CFI: variants seen among roughly 807,000 people sequenced by gnomAD.
CFI encodes the protein C3B/C4B inactivator.
A neutral mutation model predicts 78.8 loss-of-function variants in CFI; 66 were observed. That is an observed-to-expected ratio of 0.84 (90% CI 0.69 to 1.03). The LOEUF is 1.03. CFI is among the 50% of genes least tolerant of loss of function. The probability of loss-of-function intolerance (pLI) is 0.00; values close to 1 mark genes in which losing one functional copy is unlikely to be tolerated. For synonymous variants in CFI, 250 were observed against 232.6 expected, an observed-to-expected ratio of 1.07 and a Z score of -0.68; for missense variants, 706 against 704.5, an observed-to-expected ratio of 1.00 and a Z score of -0.02.
At chr4:109,782,677 T>A (rs1429068053) in intron 1 of CFI, among the ~76,000 whole-genome samples, 4 of 151,124 alleles carry the variant, frequency 2.6e-5, no homozygotes, top group Admixed American at 2.6e-4. Flanking sequence ...GAAAAAAAAA[T>A]TCTAAAATTC....
intron 1 of CFI, among the ~76,000 whole-genome samples, chr4:109,795,120 A>T (rs1334902912): frequency 2.0e-5 from 3 of 152,238 alleles, no homozygotes; most frequent in Non-Finnish European, 4.4e-5. Context: ...CACGATGCTG[A>T]AAGAGATTCC....
In CFI at chr4:109,766,077, C is replaced by T. The variant is rs946508727; in HGVS notation, c.328+477G>A. Among the ~76,000 whole-genome samples the T allele has an allele frequency of 1.1e-4, 16 of 152,194 alleles. No homozygotes were observed. The South Asian group carries it at 1.5e-3, about 14-fold the overall frequency. On this transcript the variant is annotated intron_variant, in intron 2 of 12. Transcript: ENST00000394634. ...AGGTTGGAATGAGCCAAGATCACAC[C>T]ACTGCACTCCAGCCTGGGCAACAGA...
intron 6 of CFI, among the ~76,000 whole-genome samples, chr4:109,758,200 G>C (rs1726566130): frequency 6.7e-6 from 1 of 149,024 alleles, no homozygotes; most frequent in African/African-American, 2.5e-5. Flanking sequence ...GCTCATGCCT[G>C]TAATCCCAGC....
At chr4:109,793,500 T>C (rs539425767) in intron 1 of CFI, 1 of 152,360 alleles carries the variant, frequency 6.6e-6, no homozygotes, top group Admixed American at 6.5e-5. Flanking sequence ...GTATGCAGGG[T>C]TCTCTGACTT....
At position 109,773,560 on chromosome 4, in the gene CFI, G is replaced by T. The variant is rs186225890; in HGVS notation, c.58-6736C>A. On this transcript the variant is annotated intron_variant, in intron 1 of 12. Coordinates refer to ENST00000394634, the MANE Select transcript of CFI (RefSeq NM_000204.5). ...TGTTGTGTTTTAGCCACTGAGAGTTGGGGATTGGTTCTTACTGGTGCACAA... is the reference window on the plus strand; with the variant it reads ...TGTTGTGTTTTAGCCACTGAGAGTTTGGGATTGGTTCTTACTGGTGCACAA... 2.2e-3 allele frequency among the ~76,000 whole-genome samples: 335 copies of T among 152,264 alleles called. 1 individual carries two copies. The highest frequency in any genetic ancestry group is 7.4e-3 in the African/African-American group (309 of 41,552).
intron 1 of CFI, among the ~76,000 whole-genome samples, chr4:109,786,809 C>G (rs1401537454): frequency 6.6e-6 from 1 of 152,118 alleles, no homozygotes; most frequent in East Asian, 1.9e-4. Flanking sequence ...CACAAATAAA[C>G]ATTGAAGATC....
the CFI span, among the ~76,000 whole-genome samples, chr4:109,735,002 G>A: frequency 1.7e-4 from 26 of 152,048 alleles, no homozygotes; most frequent in African/African-American, 2.4e-4. Flanking sequence ...TGTCACCCAG[G>A]TGGGGGTAGC....
At chr4:109,739,149 T>C (rs561791797), downstream of CFI, among the ~76,000 whole-genome samples, 13 of 152,156 alleles carry the variant, frequency 8.5e-5, no homozygotes, top group Non-Finnish European at 1.8e-4. Context: ...TTTTGGAATA[T>C]ATGTAAAAAT....
chr4:109,756,321 AG>A (rs1726134325), intron 7 of CFI, among the ~76,000 whole-genome samples: 1 of 143,946 alleles, frequency 6.9e-6, no homozygotes, highest in Admixed American at 7.0e-5. Context: ...GGAAAAGAGG[AG>A]GGAGGGAGGG....
rs371396560 is a variant in CFI, at chr4:109,772,030, C to G, written c.58-5206G>C. On this transcript the variant is annotated intron_variant, in intron 1 of 12. Coordinates refer to ENST00000394634, the MANE Select transcript of CFI (RefSeq NM_000204.5). ...AGCAGTTTGCTATACTTATAATTTC[C>G]TATTGTAAATTGGAAGCAACTTTAT... Among the ~76,000 whole-genome samples, 10 of 152,238 alleles carry G rather than the reference C, an allele frequency of 6.6e-5. No homozygotes were observed. In the East Asian group the frequency reaches 1.5e-3, roughly 23 times the overall value.
rs147981112 is a variant in CFI at position 109,798,916 on chromosome 4, C to T, written c.57+2999G>A. 3.2e-3 allele frequency among the ~76,000 whole-genome samples: 483 copies of T among 151,782 alleles called. 2 individuals carry two copies. Among genetic ancestry groups the T allele is most frequent in the African/African-American group, 0.011 (455 of 41,346 alleles). ...GAGAGAGAGAGAAGAAAAAGAAACC[C>T]AGAAAAACAAATCAAAATCTCAAAA... On this transcript the variant is annotated intron_variant, in intron 1 of 12. Coordinates refer to ENST00000394634, the MANE Select transcript of CFI (RefSeq NM_000204.5).
At chr4:109,774,993 G>T (rs188502699) in intron 1 of CFI, among the ~76,000 whole-genome samples, 324 of 152,246 alleles carry the variant, frequency 2.1e-3, no homozygotes, top group Non-Finnish European at 3.4e-3. Flanking sequence ...TTGGTGGGTT[G>T]TGTCATTATT....
At chr4:109,733,395 T>C in the CFI span, among the ~76,000 whole-genome samples, 1 of 152,262 alleles carries the variant, frequency 6.6e-6, no homozygotes, top group African/African-American at 2.4e-5. Flanking sequence ...GTTATTTTCA[T>C]GACAGACATC....
chr4:109,742,352 G>C (rs1723903091), intron 12 of CFI, 139 bp downstream of exon 12: 2 of 695,386 alleles, frequency 2.9e-6, no homozygotes, highest in South Asian at 3.1e-5. Context: ...GGGACTGAAA[G>C]AGTTTGAGAG....
At chr4:109,784,016 A>T (rs1184990321) in intron 1 of CFI, among the ~76,000 whole-genome samples, 1 of 151,582 alleles carries the variant, frequency 6.6e-6, no homozygotes, top group Admixed American at 6.6e-5. Context: ...TAATAAAATG[A>T]ACTTTGGAGA....
At position 109,741,048 on chromosome 4, in the gene CFI, C is replaced by A. The variant is rs1723730236; in HGVS notation, c.1597G>T (p.Asp533Tyr). The A allele has an allele frequency of 1.2e-6, 2 of 1,614,082 alleles. No individual in the cohort carries two copies. The highest frequency in any genetic ancestry group is 1.7e-6 in the Non-Finnish European group (2 of 1,180,018). ...CAGACATAAGTCACATTGTTGGCATCCATACAGACTAAGGGGCCTCCAGAG... is the reference window on the plus strand; with the variant it reads ...CAGACATAAGTCACATTGTTGGCATACATACAGACTAAGGGGCCTCCAGAG... ...GDSGGPLVCMDANNVTYVWGV... is the reference protein window; with the variant it reads ...GDSGGPLVCMYANNVTYVWGV... Residue 533 changes from aspartate to tyrosine, a missense_variant, in exon 13 of 13, where the codon GAT becomes TAT. Transcript: ENST00000394634.
At chr4:109,796,491 C>T (rs1471783455) in intron 1 of CFI, among the ~76,000 whole-genome samples, 5 of 152,116 alleles carry the variant, frequency 3.3e-5, no homozygotes, top group African/African-American at 9.7e-5. Context: ...AATGAACTGT[C>T]CTAGAAAGAA....
At chr4:109,761,432 G>A (rs1335845331) in intron 4 of CFI, 85 bp downstream of exon 4, 1 of 1,287,244 alleles carries the variant, frequency 7.8e-7, no homozygotes, top group Non-Finnish European at 1.1e-6. Flanking sequence ...TGGCAACGAG[G>A]CATCAATCAT....
At chr4:109,787,215 T>C (rs1375025488) in intron 1 of CFI, among the ~76,000 whole-genome samples, 2 of 152,120 alleles carry the variant, frequency 1.3e-5, no homozygotes, top group Non-Finnish European at 2.9e-5. Flanking sequence ...GAAAAACAAT[T>C]GGAAAACTTT....
Sources: allele counts gnomAD v4.1 joint callset (sites outside exome capture counted in the v4.1 genomes callset), GRCh38; gene constraint gnomAD v4.1.1; transcripts MANE v1.5; gene names NCBI Gene and HGNC (gene_info 2026-07-23, HGNC 2026-07-21).